The following PPM1B variants were observed in gnomAD, a reference collection of about 807,000 sequenced individuals.
The protein encoded by PPM1B is protein phosphatase, Mg2+/Mn2+ dependent 1B.
In PPM1B, 22 loss-of-function variants were observed where a neutral mutation model predicts 43.0. The observed-to-expected ratio is 0.51, with a 90% confidence interval of 0.37 to 0.73. The LOEUF (loss-of-function observed/expected upper bound fraction) is 0.73. Ranked by LOEUF, PPM1B falls within the 30% of genes least tolerant of loss-of-function variation. The pLI, the probability that PPM1B is intolerant of heterozygous loss-of-function variation, is 0.00. For synonymous variants in PPM1B, 217 were observed against 197.9 expected (o/e 1.10, Z -0.81); for missense variants, 632 against 584.2 (o/e 1.08, Z -0.84).
At position 44,230,413 on chromosome 2, in the gene PPM1B, G is replaced by T; in HGVS notation, c.1135G>T (p.Ala379Ser). Residue 379 changes from alanine to serine, a missense_variant and splice_region_variant, in exon 6 of 6, where the codon GCC becomes TCC. Physicochemically the swap from Ala to Ser is moderately conservative, Grantham distance 99. This residue lies in a region of PPM1B where 392 missense variants were observed against 302.7 expected (regional missense o/e 1.29). Coordinates refer to ENST00000282412, the MANE Select transcript of PPM1B (RefSeq NM_002706.6). ...CTGGGGTCTTGAATCTTAAAAAAAG[G>T]CCTCCGATGAAGCAGAGGAAAGTGG... ...RLNPHRESDG[A>S]SDEAEESGSQ... 1 of 1,612,762 alleles carries T rather than the reference G, an allele frequency of 6.2e-7. No individual in the cohort carries two copies. Among genetic ancestry groups the T allele is most frequent in the Non-Finnish European group, 8.5e-7 (1 of 1,179,298 alleles).
chr2:44,209,720 T>C (rs1449085009), intron 3 of PPM1B, among the ~76,000 whole-genome samples: 2 of 147,640 alleles, frequency 1.4e-5, no homozygotes, highest in African/African-American at 5.1e-5. Context: ...GAGGTTGCAG[T>C]GAGCCGAGAT....
downstream of PPM1B, chr2:44,232,382 AT>A (rs1356333649): frequency 5.0e-6 from 8 of 1,594,442 alleles, no homozygotes; most frequent in East Asian, 1.8e-4. Flanking sequence ...GATTCTGAAA[AT>A]TGGGGGAAAA....
chr2:44,181,534 C>T (rs1368412676), intron 1 of PPM1B, among the ~76,000 whole-genome samples: 1 of 152,100 alleles, frequency 6.6e-6, no homozygotes, highest in Admixed American at 6.5e-5. Flanking sequence ...ATAATCAATG[C>T]ATTATGTGAT....
chr2:44,207,849 C>G (rs1219059473), intron 2 of PPM1B, among the ~76,000 whole-genome samples: 1 of 147,686 alleles, frequency 6.8e-6, no homozygotes, highest in Non-Finnish European at 1.5e-5. Flanking sequence ...TCCCGAAGTG[C>G]TGGGATTATA....
intron 1 of PPM1B, among the ~76,000 whole-genome samples, chr2:44,178,473 TA>T (rs1346956491): frequency 0.013 from 858 of 65,744 alleles, 5 homozygotes; most frequent in Middle Eastern, 0.041. Context: ...TATATATATA[TA>T]TTTTTTTTTT....
At chr2:44,234,117 A>C (rs910984289), downstream of PPM1B, 3 of 966,248 alleles carry the variant, frequency 3.1e-6, no homozygotes, top group Non-Finnish European at 3.7e-6. Flanking sequence ...TAAACTTCTT[A>C]TATGGTTGGC....
At chr2:44,204,720 G>A (rs1033880416) in intron 2 of PPM1B, among the ~76,000 whole-genome samples, 6 of 151,826 alleles carry the variant, frequency 4.0e-5, no homozygotes, top group South Asian at 2.1e-4. Flanking sequence ...TCGGCCGGGC[G>A]TTGTGGTGGG....
chr2:44,207,580 CT>C (rs1002683351), intron 2 of PPM1B, among the ~76,000 whole-genome samples: 377 of 143,586 alleles, frequency 2.6e-3, no homozygotes, highest in East Asian at 9.0e-3. Context: ...ATATGATATG[CT>C]TTTTTTTTTT....
At chr2:44,206,528 A>G (rs924366675) in intron 2 of PPM1B, among the ~76,000 whole-genome samples, 2 of 152,234 alleles carry the variant, frequency 1.3e-5, no homozygotes, top group African/African-American at 4.8e-5. Flanking sequence ...CTCTCTTTCA[A>G]TTAATTTTCC....
chr2:44,236,223 T>A (rs536263215), downstream of PPM1B, among the ~76,000 whole-genome samples: 9 of 151,832 alleles, frequency 5.9e-5, no homozygotes, highest in East Asian at 1.7e-3. Context: ...TGGTGAAACC[T>A]GTCTCTACTT....
chr2:44,230,063 T>G, intron 5 of PPM1B: 7 of 1,555,482 alleles, frequency 4.5e-6, no homozygotes, highest in Non-Finnish European at 6.1e-6. Context: ...AACATTGATT[T>G]TCTTTTGTAC....
intron 5 of PPM1B, among the ~76,000 whole-genome samples, chr2:44,242,605 A>G (rs1488335628): frequency 2.6e-5 from 4 of 152,166 alleles, no homozygotes; most frequent in African/African-American, 9.7e-5. Context: ...TATGTTTTTC[A>G]CTTTCTTACC....
intron 1 of PPM1B, among the ~76,000 whole-genome samples, chr2:44,200,145 T>C (rs1042031168): frequency 1.3e-5 from 2 of 152,210 alleles, no homozygotes; most frequent in Non-Finnish European, 2.9e-5. Flanking sequence ...GTTTATTGTG[T>C]TTTAAGTGCT....
At chr2:44,202,469 A>G (rs1047865646) in intron 2 of PPM1B, among the ~76,000 whole-genome samples, 2 of 152,218 alleles carry the variant, frequency 1.3e-5, no homozygotes, top group African/African-American at 4.8e-5. Flanking sequence ...CCTAGCCTGT[A>G]TAAAATTTAG....
intron 1 of PPM1B, among the ~76,000 whole-genome samples, chr2:44,196,773 C>G (rs1351170657): frequency 2.0e-5 from 3 of 152,056 alleles, no homozygotes; most frequent in Non-Finnish European, 2.9e-5. Context: ...GATTGTTTAT[C>G]CATTAAAAAA....
intron 5 of PPM1B, among the ~76,000 whole-genome samples, chr2:44,220,934 T>C (rs1669951426): frequency 6.6e-6 from 1 of 152,218 alleles, no homozygotes; most frequent in Non-Finnish European, 1.5e-5. Context: ...AGGACATCTT[T>C]TTTGGCTAAA....
At chr2:44,169,573 C>G (rs1452863750) in intron 1 of PPM1B, among the ~76,000 whole-genome samples, 1 of 152,270 alleles carries the variant, frequency 6.6e-6, no homozygotes. Flanking sequence ...TCTCTTCCCT[C>G]CGCTTCAGTC....
At chr2:44,204,951 T>A (rs1669105267) in intron 2 of PPM1B, among the ~76,000 whole-genome samples, 1 of 151,928 alleles carries the variant, frequency 6.6e-6, no homozygotes, top group Non-Finnish European at 1.5e-5. Context: ...TGGTCAGGTA[T>A]TATCCTATTT....
chr2:44,241,005 TA>T (rs1670732295), intron 5 of PPM1B, among the ~76,000 whole-genome samples: 1 of 117,024 alleles, frequency 8.5e-6, no homozygotes, highest in Non-Finnish European at 1.7e-5. Flanking sequence ...TCTTTATTTT[TA>T]TTTTTTTTTT....
Sources: gnomAD v4.1 joint callset for allele counts (sites outside exome capture counted in the v4.1 genomes callset) on GRCh38, gnomAD v4.1.1 for gene constraint, gnomAD v4.1.1 regional missense constraint, MANE v1.5 for transcripts, NCBI Gene and HGNC (gene_info 2026-07-23, HGNC 2026-07-21) for gene names.